The following PCDHGA4 variants were observed in gnomAD, a reference collection of about 807,000 sequenced individuals.
PCDHGA4 encodes the protein protocadherin gamma subfamily A, 4.
A neutral mutation model predicts 54.6 loss-of-function variants in PCDHGA4; 38 were observed. That is an observed-to-expected ratio of 0.70 (90% CI 0.54 to 0.91). The LOEUF is 0.91. Among genes scored for constraint, PCDHGA4 ranks in the 40% least tolerant of loss-of-function variants. The pLI, the probability that PCDHGA4 is intolerant of heterozygous loss-of-function variation, is 0.00. For synonymous variants in PCDHGA4, 511 were observed against 512.9 expected (o/e 1.00, Z 0.05); for missense variants, 1,298 against 1,220.9 (o/e 1.06, Z -0.94).
intron 1 of PCDHGA4, among the ~76,000 whole-genome samples, chr5:141,458,719 G>A (rs891521416): frequency 5.9e-5 from 9 of 151,684 alleles, no homozygotes; most frequent in Non-Finnish European, 1.2e-4. Context: ...ACAGGTATTC[G>A]CCACCACATC....
intron 1 of PCDHGA4, chr5:141,375,643 C>A (rs1443985601): frequency 6.2e-7 from 1 of 1,614,210 alleles, no homozygotes; most frequent in Non-Finnish European, 8.5e-7. Context: ...TGCGCTCCTT[C>A]GACTATGAGC....
chr5:141,406,662 AT>A (rs2094837131), intron 1 of PCDHGA4, among the ~76,000 whole-genome samples: 1 of 152,208 alleles, frequency 6.6e-6, no homozygotes, highest in African/African-American at 2.4e-5. Flanking sequence ...TTAATGTTAA[AT>A]TATGGAGAAT....
At chr5:141,362,666 G>T in intron 1 of PCDHGA4, 1 of 1,321,002 alleles carries the variant, frequency 7.6e-7, no homozygotes, top group South Asian at 1.5e-5. Flanking sequence ...GGCCAATGTT[G>T]TGCCTTAATT....
intron 1 of PCDHGA4, chr5:141,419,396 G>A (rs772000806): frequency 3.7e-6 from 6 of 1,613,600 alleles, no homozygotes; most frequent in Admixed American, 1.7e-5. Flanking sequence ...GCAGAGCGGG[G>A]TGGTGTTCGC....
chr5:141,487,516 G>A lies in PCDHGA4; in HGVS notation c.2515-7291G>A, dbSNP rs2099648095. On this transcript the variant is annotated intron_variant, in intron 1 of 3. Coordinates refer to ENST00000571252, the MANE Select transcript of PCDHGA4 (RefSeq NM_018917.4). The surrounding 1 kb of genome is among the most constrained non-coding windows in gnomAD (Gnocchi z 5.0). ...CACCCTTGGCTTCTGCACCCACTCG[G>A]AGTGATAGCTTCATGATGGTGAAGT... 6.2e-7 allele frequency: 1 copy of A among 1,614,078 alleles called. No individual in the cohort carries two copies. The highest frequency in any genetic ancestry group is 1.7e-5 in the Admixed American group (1 of 60,010).
chr5:141,419,084 GC>G (rs1218012099), intron 1 of PCDHGA4: 1 of 1,613,802 alleles, frequency 6.2e-7, no homozygotes, highest in African/African-American at 1.3e-5. Flanking sequence ...AACAGATGAG[GC>G]CCTGGATCGG....
chr5:141,399,699 C>A lies in PCDHGA4; in HGVS notation c.2514+42078C>A, dbSNP rs555724833. ...TTGACTACGAGCAGCTGCGCACCTT[C>A]GAACTCACACTACAGGCCCGCGACC... On this transcript the variant is annotated intron_variant, in intron 1 of 3. Coordinates refer to ENST00000571252, the MANE Select transcript of PCDHGA4 (RefSeq NM_018917.4). The A allele has an allele frequency of 1.9e-6, 3 of 1,613,476 alleles. No homozygotes were observed. In the East Asian group the frequency reaches 6.7e-5, roughly 36 times the overall value.
chr5:141,490,051 G>A lies in PCDHGA4; in HGVS notation c.2515-4756G>A, dbSNP rs779280988. The A allele has an allele frequency of 6.2e-6, 10 of 1,614,094 alleles. No homozygotes were observed. Among genetic ancestry groups the A allele is most frequent in the Admixed American group, 5.0e-5 (3 of 60,012 alleles). ...CCGCCTCAATGCCACTGATCCAGAC[G>A]AGGGCACCAACGGCCAACTAGACTA... On this transcript the variant is annotated intron_variant, in intron 1 of 3. Coordinates refer to ENST00000571252, the MANE Select transcript of PCDHGA4 (RefSeq NM_018917.4). The surrounding 1 kb of genome is among the most constrained non-coding windows in gnomAD (Gnocchi z 5.4).
chr5:141,469,676 A>G (rs1227075639), intron 1 of PCDHGA4, among the ~76,000 whole-genome samples: 1 of 152,250 alleles, frequency 6.6e-6, no homozygotes, highest in African/African-American at 2.4e-5. Context: ...ATAAAACTAC[A>G]TATGCATTGG....
chr5:141,417,862 G>C, intron 1 of PCDHGA4: 1 of 1,550,466 alleles, frequency 6.4e-7, no homozygotes, highest in Non-Finnish European at 8.7e-7. Flanking sequence ...AGCGAACGAT[G>C]GGAGGGAGCT....
chr5:141,355,787 T>C lies in PCDHGA4; in HGVS notation c.680T>C (p.Leu227Pro), dbSNP rs1176744852. 6.2e-7 allele frequency: 1 copy of C among 1,613,614 alleles called. No individual in the cohort carries two copies. The highest frequency in any genetic ancestry group is 2.2e-5 in the East Asian group (1 of 44,888). ...GGGATTAAGTACCCAGAGCTGGTGC[T>C]GGAACGCGCTCTAGATCGCGAGGAA... The part of the protein sequence containing the change: ...ADGIKYPELV[L>P]ERALDREEEA... The change falls in exon 1 of 4, where the codon CTG becomes CCG. Residue 227 changes from leucine (L) to proline (P), a missense_variant. Transcript: ENST00000571252.
rs1301800438 is a variant in PCDHGA4, at chr5:141,432,966, C to T, written c.2515-61841C>T. ...TCAGGAGGCGGCTTGACAGGAGCGC[C>T]GGCGTCGCACTTTGTGGGCGTGGAC... On this transcript the variant is annotated intron_variant, in intron 1 of 3. Coordinates refer to ENST00000571252, the MANE Select transcript of PCDHGA4 (RefSeq NM_018917.4). This position sits in a 1 kb window ranked among gnomAD's most constrained non-coding sequence, Gnocchi z 6.0. 1.2e-6 allele frequency: 2 copies of T among 1,614,066 alleles called. No homozygotes were observed. The highest frequency in any genetic ancestry group is 8.5e-7 in the Non-Finnish European group (1 of 1,180,052).
chr5:141,360,379 G>A (rs1761567357), intron 1 of PCDHGA4: 11 of 1,613,760 alleles, frequency 6.8e-6, no homozygotes, highest in Non-Finnish European at 9.3e-6. Flanking sequence ...CCCAGAAAGC[G>A]GAGACTTACT....
chr5:141,376,169 G>A (rs779538880), intron 1 of PCDHGA4: 6 of 1,614,106 alleles, frequency 3.7e-6, no homozygotes, highest in African/African-American at 2.7e-5. Context: ...CCTGGTGGTG[G>A]CGGTGGCCGC....
At chr5:141,422,721 G>A in intron 1 of PCDHGA4, 1 of 1,605,664 alleles carries the variant, frequency 6.2e-7, no homozygotes, top group East Asian at 2.2e-5. Flanking sequence ...ACACTGTCCA[G>A]GGGGTGCCTC....
chr5:141,414,185 T>C lies in PCDHGA4; in HGVS notation c.2514+56564T>C, dbSNP rs374044785. ...GGAGCATATCTTGCAACTGCAAAAG[T>C]GTTGATTACAGTAGAAGATGTAAAT... On this transcript the variant is annotated intron_variant, in intron 1 of 3. Transcript: ENST00000571252. The C allele has an allele frequency of 1.2e-5, 19 of 1,609,558 alleles. No homozygotes were observed. The highest frequency in any genetic ancestry group is 1.6e-5 in the Non-Finnish European group (19 of 1,177,778).
chr5:141,400,345 A>C lies in PCDHGA4; in HGVS notation c.2514+42724A>C, dbSNP rs757500171. On this transcript the variant is annotated intron_variant, in intron 1 of 3. Transcript: ENST00000571252. ...TGGACCTGTGGTTCCCCCCAACTACAGTCAGGGGACTTTGCCTTATTCCTA... is the reference window on the plus strand; with the variant it reads ...TGGACCTGTGGTTCCCCCCAACTACCGTCAGGGGACTTTGCCTTATTCCTA... 1.9e-6 allele frequency: 3 copies of C among 1,614,040 alleles called. No homozygotes were observed. In the South Asian group the frequency reaches 3.3e-5, roughly 18 times the overall value.
chr5:141,399,332 C>T (rs2093787388), intron 1 of PCDHGA4: 1 of 1,613,994 alleles, frequency 6.2e-7, no homozygotes, highest in Non-Finnish European at 8.5e-7. Flanking sequence ...AAGTTGGTAA[C>T]AGATGGAACC....
At chr5:141,358,500 A>G (rs747831843) in intron 1 of PCDHGA4, among the ~76,000 whole-genome samples, 1 of 152,180 alleles carries the variant, frequency 6.6e-6, no homozygotes, top group African/African-American at 2.4e-5. Context: ...CTTTAACAGG[A>G]TATTTTCTCA....
Sources: gnomAD v4.1 joint callset for allele counts (sites outside exome capture counted in the v4.1 genomes callset) on GRCh38, gnomAD v4.1.1 for gene constraint, Gnocchi (gnomAD v3.1) non-coding constraint, MANE v1.5 for transcripts, NCBI Gene and HGNC (gene_info 2026-07-23, HGNC 2026-07-21) for gene names.